Variants in MAPRE3 observed in about 807,000 individuals in gnomAD.
MAPRE3 encodes microtubule-associated protein RP/EB family member 3.
MAPRE3 carries 2 observed loss-of-function variants against 30.5 expected under a neutral mutation model. The observed-to-expected ratio is 0.07, with a 90% CI of 0.03 to 0.21. The LOEUF is 0.21. Among genes scored for constraint, MAPRE3 ranks in the 10% least tolerant of loss-of-function variants. The pLI is 1.00. For missense variants in MAPRE3, 204 were observed against 351.8 expected (o/e 0.58, Z 3.36); for synonymous variants, 110 against 127.7 (o/e 0.86, Z 0.93).
At chr2:26,996,501 C>T (rs1666462603) in intron 1 of MAPRE3, among the ~76,000 whole-genome samples, 1 of 152,126 alleles carries the variant, frequency 6.6e-6, no homozygotes, top group Non-Finnish European at 1.5e-5. Flanking sequence ...ACAAGGTTTC[C>T]TTGTTAAACC....
At chr2:27,012,921 G>C (rs1666893029) in intron 1 of MAPRE3, 1 of 152,732 alleles carries the variant, frequency 6.5e-6, no homozygotes, top group Admixed American at 6.5e-5. Context: ...GGGGTCAGGG[G>C]AAAGTAGGCT....
intron 1 of MAPRE3, among the ~76,000 whole-genome samples, chr2:27,006,820 G>A (rs900485073): frequency 6.6e-6 from 1 of 152,180 alleles, no homozygotes; most frequent in Non-Finnish European, 1.5e-5. Context: ...TCAAACTCTG[G>A]CTTATATGCC....
intron 1 of MAPRE3, among the ~76,000 whole-genome samples, chr2:27,000,547 A>G (rs1230398881): frequency 6.6e-6 from 1 of 152,230 alleles, no homozygotes; most frequent in Non-Finnish European, 1.5e-5. Flanking sequence ...ATAACTTGCC[A>G]TTTTTTACAC....
intron 1 of MAPRE3, among the ~76,000 whole-genome samples, chr2:26,994,519 G>GTT (rs1439552674): frequency 6.6e-6 from 1 of 152,206 alleles, no homozygotes; most frequent in Non-Finnish European, 1.5e-5. Flanking sequence ...CACTAACATA[G>GTT]TTTTCCTTTC....
chr2:26,983,955 C>T (rs977199155), intron 1 of MAPRE3, among the ~76,000 whole-genome samples: 6 of 152,184 alleles, frequency 3.9e-5, no homozygotes, highest in Non-Finnish European at 8.8e-5. Context: ...CGTCCCTTCC[C>T]CTTGTTGGGG....
chr2:27,017,086 G>T (rs1043728305), intron 1 of MAPRE3, among the ~76,000 whole-genome samples: 1 of 152,214 alleles, frequency 6.6e-6, no homozygotes, highest in Non-Finnish European at 1.5e-5. Flanking sequence ...CCAAAGCTAC[G>T]AGAGGAAAAT....
chr2:27,023,254 G>A lies in MAPRE3; in HGVS notation c.122-78G>A, dbSNP rs1016357261. The A allele has an allele frequency of 1.4e-5, 20 of 1,480,560 alleles. 2 individuals carry two copies. The highest frequency in any genetic ancestry group is 7.8e-5 in the South Asian group (6 of 76,622). 91.7% of individuals were successfully genotyped at this position (1,480,560 alleles called of 1,614,324 possible). A position where few individuals can be genotyped will look rare whatever the true frequency, so the allele number is the denominator to read the frequency against. Reference sequence around the variant, plus strand: ...AGAACAAGGAGAGAGAAGAGGAGACGGGGTTTGGGGAAGTGAGAGAGAGCA... The same window carrying A: ...AGAACAAGGAGAGAGAAGAGGAGACAGGGTTTGGGGAAGTGAGAGAGAGCA... On this transcript the variant is annotated intron_variant, in intron 2 of 6. Transcript: ENST00000233121.
At position 26,985,415 on chromosome 2, in the gene MAPRE3, C is replaced by G. The variant is rs1354559745; in HGVS notation, c.-8+14613C>G. 1.3e-5 allele frequency among the ~76,000 whole-genome samples: 2 copies of G among 152,234 alleles called. No homozygotes were observed. Among genetic ancestry groups the G allele is most frequent in the Non-Finnish European group, 2.9e-5 (2 of 68,040 alleles). ...GCAGCATAGATCTGAGTTGGTGAAG[C>G]TATTCCTATAGCAGTAATGTGGCAG... On this transcript the variant is annotated intron_variant, in intron 1 of 6. Transcript: ENST00000233121. The surrounding 1 kb of genome is among the most constrained non-coding windows in gnomAD (Gnocchi z 4.2).
intron 1 of MAPRE3, among the ~76,000 whole-genome samples, chr2:26,982,358 A>C (rs1396436683): frequency 6.6e-6 from 1 of 152,250 alleles, no homozygotes; most frequent in Admixed American, 6.5e-5. Context: ...GAATATGTGG[A>C]AAGTCAGGTG....
chr2:26,983,646 T>G (rs944053109), intron 1 of MAPRE3, among the ~76,000 whole-genome samples: 4 of 152,242 alleles, frequency 2.6e-5, no homozygotes, highest in African/African-American at 9.6e-5. Context: ...GTTCTCCCAG[T>G]ATCTAGCTGT....
chr2:27,022,449 T>C, intron 2 of MAPRE3, 110 bp downstream of exon 2: 1 of 1,380,484 alleles, frequency 7.2e-7, no homozygotes, highest in Non-Finnish European at 9.9e-7. Context: ...GCTGAATGAC[T>C]GATGTGGCCA....
intron 1 of MAPRE3, among the ~76,000 whole-genome samples, chr2:27,001,754 C>T (rs75195073): frequency 1.1e-3 from 173 of 152,268 alleles, no homozygotes; most frequent in Non-Finnish European, 2.0e-3. Flanking sequence ...AGTAAAAATA[C>T]AGCATAATCT....
At chr2:26,972,180 A>G (rs1481565510) in intron 1 of MAPRE3, among the ~76,000 whole-genome samples, 2 of 152,240 alleles carry the variant, frequency 1.3e-5, no homozygotes, top group Admixed American at 1.3e-4. Context: ...ACGTGTAAAT[A>G]TAAGCCAGAT....
At chr2:27,014,211 G>T (rs1231924342) in intron 1 of MAPRE3, 1 of 152,172 alleles carries the variant, frequency 6.6e-6, no homozygotes, top group East Asian at 1.9e-4. Flanking sequence ...TTAGCGATGA[G>T]AAATTTTGTT....
intron 1 of MAPRE3, among the ~76,000 whole-genome samples, chr2:27,021,902 C>T (rs1667117725): frequency 6.6e-6 from 1 of 152,236 alleles, no homozygotes; most frequent in Non-Finnish European, 1.5e-5. Context: ...TGTGCTGTCC[C>T]TGAACATTTA....
intron 4 of MAPRE3, 34 bp downstream of exon 4, chr2:27,024,331 G>T: frequency 1.3e-6 from 2 of 1,595,112 alleles, no homozygotes; most frequent in Non-Finnish European, 1.7e-6. Flanking sequence ...GGAGCGTGGG[G>T]GGCCGGGCCG....
intron 1 of MAPRE3, among the ~76,000 whole-genome samples, chr2:27,005,968 G>C (rs1186018325): frequency 6.6e-6 from 1 of 152,146 alleles, no homozygotes; most frequent in Non-Finnish European, 1.5e-5. Context: ...GGATCACGAG[G>C]TCAGGAGATC....
chr2:27,001,075 T>G (rs571951705), intron 1 of MAPRE3, among the ~76,000 whole-genome samples: 1 of 152,374 alleles, frequency 6.6e-6, no homozygotes, highest in African/African-American at 2.4e-5. Context: ...TAGAATATAC[T>G]TCACATTTTT....
In MAPRE3 at chr2:27,026,062, C is replaced by T. The variant is rs773004492; in HGVS notation, c.777+30C>T. On this transcript the variant is annotated intron_variant, in intron 6 of 6. Transcript: ENST00000233121. ...GCACTCCCAGGCCCATTGGGCCCTC[C>T]CCAGTCTGGCCTGGCCCTAAGACCA... 3 of 1,613,090 alleles carry T rather than the reference C, an allele frequency of 1.9e-6. No homozygotes were observed. In the South Asian group the frequency reaches 3.3e-5, roughly 18 times the overall value.
Sources: gnomAD v4.1 joint callset for allele counts (sites outside exome capture counted in the v4.1 genomes callset) on GRCh38, gnomAD v4.1.1 for gene constraint, Gnocchi (gnomAD v3.1) non-coding constraint, MANE v1.5 for transcripts, NCBI Gene and HGNC (gene_info 2026-07-23, HGNC 2026-07-21) for gene names.